Variants in COL4A5 observed in about 807,000 individuals in gnomAD.
COL4A5 encodes collagen alpha-5(IV) chain.
A neutral mutation model predicts 130.2 loss-of-function variants in COL4A5; 26 were observed. That is an observed-to-expected ratio of 0.20 (90% CI 0.15 to 0.28). COL4A5 has a LOEUF of 0.28. Among genes scored for constraint, COL4A5 ranks in the 10% least tolerant of loss-of-function variants. COL4A5 has a pLI of 1.00. For missense variants in COL4A5, 1,131 were observed against 1,344.3 expected, an observed-to-expected ratio of 0.84 and a Z score of 2.48; for synonymous variants, 496 against 439.6, an observed-to-expected ratio of 1.13 and a Z score of -1.60.
At chrX:108,544,301 A>G (rs1048882074) in intron 2 of COL4A5, among the ~76,000 whole-genome samples, 6 of 112,090 alleles carry the variant, frequency 5.4e-5, no homozygotes, top group African/African-American at 1.6e-4. Context: ...CTAATTTATT[A>G]AGAGCTTTTA....
At chrX:108,578,468 A>G (rs1455044716) in intron 13 of COL4A5, 85 bp downstream of exon 13, 1 of 653,073 alleles carries the variant, frequency 1.5e-6, no homozygotes, top group Admixed American at 2.3e-5. Context: ...CACAATGTAT[A>G]TGTATATCAA....
intron 36 of COL4A5, among the ~76,000 whole-genome samples, chrX:108,638,044 G>A (rs2067388253): frequency 9.1e-6 from 1 of 110,389 alleles, no homozygotes; most frequent in Non-Finnish European, 1.9e-5. Flanking sequence ...AATTGAAGAG[G>A]AGGGAACACT....
rs147965787 is a variant in COL4A5 at position 108,452,790 on chromosome X, G to A, written c.81+12584G>A. Among the ~76,000 whole-genome samples the A allele has an allele frequency of 3.8e-3, 429 of 111,585 alleles. 4 individuals carry two copies. The highest frequency in any genetic ancestry group is 0.013 in the African/African-American group (409 of 30,672). On this transcript the variant is annotated intron_variant, in intron 1 of 52. Transcript: ENST00000328300. ...CTGCAAACATGGACAGTTTGACTTC[G>A]TCTTTTCGTAACTGAATACCCTTTA...
intron 3 of COL4A5, among the ~76,000 whole-genome samples, chrX:108,561,960 T>G (rs2065905282): frequency 8.9e-6 from 1 of 111,799 alleles, no homozygotes; most frequent in Non-Finnish European, 1.9e-5. Flanking sequence ...ACAATTTTGG[T>G]GGATGAACTA....
intron 1 of COL4A5, among the ~76,000 whole-genome samples, chrX:108,488,287 A>G (rs2064965625): frequency 8.8e-6 from 1 of 113,184 alleles, no homozygotes; most frequent in African/African-American, 3.2e-5. Context: ...AGCTATGGCT[A>G]CATGGTATTA....
At chrX:108,507,258 AAAAG>A (rs2065134254) in intron 1 of COL4A5, among the ~76,000 whole-genome samples, 1 of 106,682 alleles carries the variant, frequency 9.4e-6, no homozygotes. Context: ...AAAAAAAAAA[AAAAG>A]AAAAAAAAAA....
At chrX:108,500,717 T>C (rs958794403) in intron 1 of COL4A5, among the ~76,000 whole-genome samples, 3 of 112,144 alleles carry the variant, frequency 2.7e-5, no homozygotes, top group South Asian at 3.7e-4. Context: ...AATTATTAAA[T>C]AGGTGACAAC....
chrX:108,514,066 C>G (rs1452700915), intron 1 of COL4A5, among the ~76,000 whole-genome samples: 1 of 111,561 alleles, frequency 9.0e-6, no homozygotes, highest in Non-Finnish European at 1.9e-5. Context: ...TACACTATCT[C>G]TATTCTGTTT....
At chrX:108,441,241 A>G (rs2064394479) in intron 1 of COL4A5, among the ~76,000 whole-genome samples, 1 of 112,403 alleles carries the variant, frequency 8.9e-6, no homozygotes, top group Non-Finnish European at 1.9e-5. Context: ...AGTGTGTGAC[A>G]AATTATTTAA....
chrX:108,577,594 GTTAA>G (rs1333656993), intron 10 of COL4A5, among the ~76,000 whole-genome samples: 1 of 111,166 alleles, frequency 9.0e-6, no homozygotes, highest in African/African-American at 3.3e-5. Context: ...GAACTTGAGA[GTTAA>G]TTAGAGTTAA....
intron 1 of COL4A5, among the ~76,000 whole-genome samples, chrX:108,461,400 G>A (rs1363538905): frequency 4.5e-5 from 5 of 111,399 alleles, no homozygotes; most frequent in African/African-American, 1.3e-4. Flanking sequence ...AGATCTTTCT[G>A]ATTTCCATGA....
chrX:108,604,149 C>G (rs994515855), intron 28 of COL4A5, among the ~76,000 whole-genome samples: 17 of 112,281 alleles, frequency 1.5e-4, no homozygotes, highest in Non-Finnish European at 3.0e-4. Context: ...TCTAATGAAT[C>G]CTGAATTTTC....
At position 108,591,625 on chromosome X, in the gene COL4A5, A is replaced by G. The variant is rs1180123980; in HGVS notation, c.1404A>G (p.Gln468=). 2 of 1,200,715 alleles carry G rather than the reference A, an allele frequency of 1.7e-6. No individual in the cohort carries two copies. The highest frequency in any genetic ancestry group is 4.4e-5 in the Admixed American group (2 of 45,955). The change falls in exon 21 of 53, where the codon CAA becomes CAG. Residue 468 remains glutamine, a synonymous_variant. Transcript: ENST00000328300. Reference sequence around the variant, plus strand: ...GATCTCCAGGTGATAAAGGACTCCAAGGAGAACAAGGAGTGAAAGGTTTGA... The same window carrying G: ...GATCTCCAGGTGATAAAGGACTCCAGGGAGAACAAGGAGTGAAAGGTTTGA... The part of the protein sequence containing the change: ...PPGSPGDKGL[Q]GEQGVKGDKG...
At chrX:108,660,111 T>C (rs1259021997) in intron 37 of COL4A5, among the ~76,000 whole-genome samples, 2 of 111,850 alleles carry the variant, frequency 1.8e-5, no homozygotes, top group African/African-American at 6.5e-5. Flanking sequence ...AAATTAATAT[T>C]ATGTGACTTC....
intron 50 of COL4A5, 137 bp from the exon 51 acceptor site, chrX:108,694,670 G>A (rs916942425): frequency 1.9e-6 from 1 of 529,933 alleles, no homozygotes; most frequent in Admixed American, 2.6e-5. Context: ...TCCTCAAAGT[G>A]CATTTTTTCA....
intron 2 of COL4A5, among the ~76,000 whole-genome samples, chrX:108,545,778 G>T (rs2065638255): frequency 9.0e-6 from 1 of 111,244 alleles, no homozygotes; most frequent in African/African-American, 3.3e-5. Context: ...CTTGCTTTAT[G>T]AATCTGGGTG....
At chrX:108,610,375 G>T (rs1411223122) in intron 29 of COL4A5, among the ~76,000 whole-genome samples, 9 of 111,141 alleles carry the variant, frequency 8.1e-5, no homozygotes, top group Non-Finnish European at 1.9e-5. Context: ...ATTGTATTCT[G>T]CCAGCAAAAG....
chrX:108,524,537 A>G lies in COL4A5; in HGVS notation c.82-15209A>G, dbSNP rs1360447490. Among the ~76,000 whole-genome samples the G allele has an allele frequency of 3.7e-5, 4 of 107,614 alleles. No homozygotes were observed. In the Admixed American group the frequency reaches 4.0e-4, roughly 11 times the overall value. 93.4% of individuals were successfully genotyped at this position (107,614 alleles called of 115,157 possible). On this transcript the variant is annotated intron_variant, in intron 1 of 52. Transcript: ENST00000328300. ...AAATCTTTATTATTTCCTTCTTTCTACTTGTTTTGGGGTTACTTCGCTCTC... is the reference window on the plus strand; with the variant it reads ...AAATCTTTATTATTTCCTTCTTTCTGCTTGTTTTGGGGTTACTTCGCTCTC...
chrX:108,577,121 G>A (rs1302467281), intron 10 of COL4A5, among the ~76,000 whole-genome samples: 2 of 108,451 alleles, frequency 1.8e-5, no homozygotes, highest in African/African-American at 6.7e-5. Context: ...CTGTAATCCC[G>A]GCACTTTGGG....
Sources: gnomAD v4.1 joint callset for allele counts (sites outside exome capture counted in the v4.1 genomes callset) on GRCh38, gnomAD v4.1.1 for gene constraint, MANE v1.5 for transcripts, NCBI Gene and HGNC (gene_info 2026-07-23, HGNC 2026-07-21) for gene names.